MAGI2: variants seen among roughly 807,000 people sequenced by gnomAD.
MAGI2 encodes membrane-associated guanylate kinase, WW and PDZ domain-containing protein 2.
Under a neutral mutation model 133.3 loss-of-function variants are expected in MAGI2, and 35 were observed. The observed-to-expected ratio is 0.26, with a 90% CI of 0.20 to 0.35. MAGI2 has a LOEUF of 0.35. MAGI2 is among the 10% of genes least tolerant of loss of function. MAGI2 has a pLI of 1.00. For synonymous variants in MAGI2, 729 were observed against 710.6 expected (o/e 1.03, Z -0.41); for missense variants, 1,636 against 1,863.4 (o/e 0.88, Z 2.25).
chr7:79,234,303 G>A (rs1831670824), intron 1 of MAGI2, among the ~76,000 whole-genome samples: 1 of 150,316 alleles, frequency 6.7e-6, no homozygotes, highest in African/African-American at 2.5e-5. Context: ...GAGTATCTTT[G>A]TGGCGTTCTC....
chr7:79,450,703 C>T (rs1484407597), intron 1 of MAGI2, among the ~76,000 whole-genome samples: 1 of 152,062 alleles, frequency 6.6e-6, no homozygotes, highest in African/African-American at 2.4e-5. Context: ...GAGTGATCTC[C>T]AACCACATTA....
intron 7 of MAGI2, among the ~76,000 whole-genome samples, chr7:78,363,620 A>T (rs1427012009): frequency 1.3e-5 from 2 of 151,946 alleles, no homozygotes; most frequent in Non-Finnish European, 2.9e-5. Context: ...TTCTCTTAGA[A>T]TTGTTCACTT....
chr7:78,458,571 A>T (rs1789596005), intron 6 of MAGI2, among the ~76,000 whole-genome samples: 1 of 151,886 alleles, frequency 6.6e-6, no homozygotes, highest in African/African-American at 2.4e-5. Context: ...ATTATGTTAC[A>T]TGAGTAACAA....
At chr7:78,827,446 T>C (rs1032927592) in intron 2 of MAGI2, among the ~76,000 whole-genome samples, 3 of 120,948 alleles carry the variant, frequency 2.5e-5, no homozygotes, top group Non-Finnish European at 5.6e-5. Flanking sequence ...TCCATGTTAA[T>C]TTTGAATTTT....
chr7:78,398,076 G>A (rs58076618), intron 6 of MAGI2, among the ~76,000 whole-genome samples: 8 of 152,270 alleles, frequency 5.3e-5, no homozygotes, highest in African/African-American at 1.4e-4. Flanking sequence ...GTGAGTGTGT[G>A]TGCTGTGTGA....
intron 2 of MAGI2, among the ~76,000 whole-genome samples, chr7:78,696,681 T>C (rs549754808): frequency 1.9e-4 from 27 of 141,488 alleles, no homozygotes; most frequent in East Asian, 1.2e-3. Context: ...TGCAAACTGA[T>C]GAAAAAAAAA....
intron 6 of MAGI2, among the ~76,000 whole-genome samples, chr7:78,426,425 GA>G (rs1381576740): frequency 6.6e-6 from 1 of 152,012 alleles, no homozygotes; most frequent in Non-Finnish European, 1.5e-5. Context: ...ATGGACACAG[GA>G]AGGGGAACAT....
chr7:78,873,014 T>G (rs922331189), intron 2 of MAGI2, among the ~76,000 whole-genome samples: 1 of 152,114 alleles, frequency 6.6e-6, no homozygotes, highest in East Asian at 1.9e-4. Flanking sequence ...GTTATAAATT[T>G]CTATTTCAAA....
intron 16 of MAGI2, among the ~76,000 whole-genome samples, chr7:78,145,979 CACAA>C (rs913555544): frequency 3.2e-4 from 49 of 152,310 alleles, no homozygotes; most frequent in African/African-American, 1.2e-3. Context: ...GAGCAGGAGA[CACAA>C]ACAGTCAGTT....
At chr7:78,740,620 T>A (rs1822319034) in intron 2 of MAGI2, among the ~76,000 whole-genome samples, 1 of 152,212 alleles carries the variant, frequency 6.6e-6, no homozygotes. Flanking sequence ...AGCTAGGGAA[T>A]TATGCTCAGA....
At chr7:78,121,727 G>A (rs1214479669) in intron 20 of MAGI2, among the ~76,000 whole-genome samples, 2 of 152,152 alleles carry the variant, frequency 1.3e-5, no homozygotes, top group East Asian at 3.8e-4. Flanking sequence ...ATCTAGTCTA[G>A]TCTAGAGAAA....
intron 1 of MAGI2, chr7:79,353,480 C>T (rs1841823668): frequency 6.6e-6 from 3 of 456,072 alleles, no homozygotes; most frequent in Non-Finnish European, 1.3e-5. Flanking sequence ...CTGGCACCCG[C>T]CCTGGTGTGT....
chr7:79,003,383 T>C (rs1401233971), intron 2 of MAGI2, among the ~76,000 whole-genome samples: 2 of 152,228 alleles, frequency 1.3e-5, no homozygotes, highest in African/African-American at 4.8e-5. Flanking sequence ...TTTACTCTTA[T>C]ATAGTTATAA....
intron 1 of MAGI2, among the ~76,000 whole-genome samples, chr7:79,186,709 A>G (rs1489275526): frequency 2.3e-5 from 3 of 130,536 alleles, no homozygotes; most frequent in Non-Finnish European, 4.7e-5. Flanking sequence ...ACAAAAGTAT[A>G]TATATATATT....
chr7:78,758,314 A>C (rs1198964887), intron 2 of MAGI2, among the ~76,000 whole-genome samples: 4 of 152,168 alleles, frequency 2.6e-5, no homozygotes, highest in Non-Finnish European at 4.4e-5. Context: ...ACAGTGCCTA[A>C]ACTATAGCAG....
intron 6 of MAGI2, among the ~76,000 whole-genome samples, chr7:78,376,592 A>C (rs1055170436): frequency 2.0e-5 from 3 of 152,140 alleles, no homozygotes; most frequent in Admixed American, 6.6e-5. Context: ...ATTTCAAATA[A>C]ATTTATTCAT....
intron 2 of MAGI2, among the ~76,000 whole-genome samples, chr7:78,882,114 G>A (rs199843860): frequency 0.26 from 13,463 of 51,100 alleles, 189 homozygotes; most frequent in Non-Finnish European, 0.3. Context: ...AAAAAGAAAA[G>A]AAAAACAAAA....
At chr7:79,028,255 A>ATGTATG (rs1810145537) in intron 1 of MAGI2, among the ~76,000 whole-genome samples, 1 of 23,964 alleles carries the variant, frequency 4.2e-5, no homozygotes, top group South Asian at 1.2e-3. Flanking sequence ...ATATATATAT[A>ATGTATG]TATATATATA....
intron 2 of MAGI2, among the ~76,000 whole-genome samples, chr7:78,972,464 T>A (rs117552229): frequency 3.5e-4 from 53 of 151,994 alleles, no homozygotes; most frequent in Non-Finnish European, 6.2e-4. Flanking sequence ...GTTCTAATTG[T>A]GAAACTAAAA....
Sources: gnomAD v4.1 joint callset for allele counts (sites outside exome capture counted in the v4.1 genomes callset) on GRCh38, gnomAD v4.1.1 for gene constraint, MANE v1.5 for transcripts, NCBI Gene and HGNC (gene_info 2026-07-23, HGNC 2026-07-21) for gene names.